Variants in COL21A1 observed in about 807,000 individuals in gnomAD.
COL21A1 encodes collagen alpha-1(XXI) chain.
Under a neutral mutation model 137.9 loss-of-function variants are expected in COL21A1, and 149 were observed. The observed-to-expected ratio is 1.08, with a 90% CI of 0.95 to 1.24. The LOEUF is 1.24. Ranked by LOEUF, COL21A1 falls within the 50% of genes most tolerant of loss-of-function variation. The probability of loss-of-function intolerance (pLI) is 0.00; values close to 1 mark genes in which losing one functional copy is unlikely to be tolerated. For missense variants in COL21A1, 1,167 were observed against 1,158.4 expected, an observed-to-expected ratio of 1.01 and a Z score of -0.11; for synonymous variants, 456 against 391.5, an observed-to-expected ratio of 1.16 and a Z score of -1.95.
intron 1 of COL21A1, among the ~76,000 whole-genome samples, chr6:56,336,104 A>T (rs548052711): frequency 6.6e-6 from 1 of 152,338 alleles, no homozygotes; most frequent in South Asian, 2.1e-4. Flanking sequence ...AAATTAACTC[A>T]CTGAAGACCC....
chr6:56,348,744 C>A lies in COL21A1; in HGVS notation c.-39+45227G>T, dbSNP rs532020045. Among the ~76,000 whole-genome samples, 187 of 152,320 alleles carry A rather than the reference C, an allele frequency of 1.2e-3. 2 individuals are homozygous for A. Among genetic ancestry groups the A allele is most frequent in the South Asian group, 0.011 (54 of 4,820 alleles). On this transcript the variant is annotated intron_variant, in intron 1 of 28. Transcript: ENST00000370819. ...AAGCTGGGGCCAGCCTCTCTCAGAA[C>A]ACTGGGATTAGATAACAGGGCAATT...
At chr6:56,088,987 T>C (rs953284436) in intron 17 of COL21A1, among the ~76,000 whole-genome samples, 2 of 152,126 alleles carry the variant, frequency 1.3e-5, no homozygotes, top group African/African-American at 4.8e-5. Context: ...GGTTTTGCGA[T>C]GCTACCCAGG....
chr6:56,293,196 C>T (rs767389999), intron 1 of COL21A1, among the ~76,000 whole-genome samples: 1 of 152,062 alleles, frequency 6.6e-6, no homozygotes, highest in Non-Finnish European at 1.5e-5. Context: ...TCAACTTTTA[C>T]GTGAAATAAA....
chr6:56,238,056 C>T (rs1782027759), intron 1 of COL21A1, among the ~76,000 whole-genome samples: 1 of 152,094 alleles, frequency 6.6e-6, no homozygotes, highest in Non-Finnish European at 1.5e-5. Flanking sequence ...TTGAGGAGAA[C>T]ATAGATCTGA....
chr6:56,352,283 A>G (rs1004460659), intron 1 of COL21A1, among the ~76,000 whole-genome samples: 4 of 152,188 alleles, frequency 2.6e-5, no homozygotes, highest in African/African-American at 9.7e-5. Context: ...AAGCCAGAAC[A>G]TAAGGGAGGC....
intron 1 of COL21A1, among the ~76,000 whole-genome samples, chr6:56,193,308 A>G (rs964938105): frequency 6.6e-6 from 1 of 152,330 alleles, no homozygotes; most frequent in Admixed American, 6.5e-5. Flanking sequence ...CTTAAAGTAT[A>G]ATAAAAAATA....
intron 1 of COL21A1, among the ~76,000 whole-genome samples, chr6:56,290,069 T>C (rs1764004857): frequency 6.6e-6 from 1 of 152,138 alleles, no homozygotes; most frequent in African/African-American, 2.4e-5. Flanking sequence ...TAAAACCCCA[T>C]GTCTCACTTG....
intron 1 of COL21A1, among the ~76,000 whole-genome samples, chr6:56,368,289 G>C (rs1340162768): frequency 6.6e-6 from 1 of 152,056 alleles, no homozygotes; most frequent in Non-Finnish European, 1.5e-5. Context: ...CATTTGTTGA[G>C]CTATAATTTT....
intron 5 of COL21A1, among the ~76,000 whole-genome samples, chr6:56,168,823 C>T (rs927788791): frequency 2.0e-5 from 3 of 151,982 alleles, no homozygotes; most frequent in Admixed American, 6.6e-5. Flanking sequence ...TTCACCCCCT[C>T]TTTGACTCAT....
At chr6:56,212,350 C>A (rs1780223459) in intron 1 of COL21A1, among the ~76,000 whole-genome samples, 1 of 151,910 alleles carries the variant, frequency 6.6e-6, no homozygotes, top group Non-Finnish European at 1.5e-5. Context: ...CAGCCCCCCA[C>A]CAAAAGAATA....
At chr6:56,226,234 C>CA (rs1304454488) in intron 1 of COL21A1, among the ~76,000 whole-genome samples, 45 of 151,550 alleles carry the variant, frequency 3.0e-4, no homozygotes, top group East Asian at 1.9e-4. Flanking sequence ...AGGTGTATAC[C>CA]AAAAAAAGTC....
chr6:56,061,266 G>A (rs1765779156), intron 25 of COL21A1: 1 of 530,658 alleles, frequency 1.9e-6, no homozygotes, highest in South Asian at 2.9e-5. Flanking sequence ...ATCCACAACT[G>A]ATTGAGTATA....
intron 1 of COL21A1, chr6:56,231,146 A>G (rs940054086): frequency 4.6e-5 from 7 of 152,060 alleles, no homozygotes; most frequent in African/African-American, 1.7e-4. Flanking sequence ...TGAGGAAGAA[A>G]CAATCAATGT....
chr6:56,293,480 G>A (rs924960676), intron 1 of COL21A1, among the ~76,000 whole-genome samples: 1 of 152,070 alleles, frequency 6.6e-6, no homozygotes, highest in Admixed American at 6.5e-5. Flanking sequence ...AACAAAAAAG[G>A]TGTAACTCAC....
intron 1 of COL21A1, among the ~76,000 whole-genome samples, chr6:56,223,036 T>C (rs919144882): frequency 3.2e-5 from 2 of 61,746 alleles, no homozygotes; most frequent in Admixed American, 2.7e-4. Context: ...CACATTCTAT[T>C]CAGAACAAAA....
At chr6:56,197,830 G>A (rs576582156) in intron 1 of COL21A1, among the ~76,000 whole-genome samples, 38 of 152,176 alleles carry the variant, frequency 2.5e-4, no homozygotes, top group African/African-American at 8.7e-4. Flanking sequence ...ACTACTATAT[G>A]AACCAGTAAT....
chr6:56,245,595 C>T (rs1782594952), intron 1 of COL21A1, among the ~76,000 whole-genome samples: 1 of 152,160 alleles, frequency 6.6e-6, no homozygotes, highest in Admixed American at 6.5e-5. Flanking sequence ...ACTTTAGAAG[C>T]ATTATTTAAC....
intron 17 of COL21A1, among the ~76,000 whole-genome samples, chr6:56,082,443 A>T (rs1767870890): frequency 6.6e-6 from 1 of 151,992 alleles, no homozygotes; most frequent in African/African-American, 2.4e-5. Context: ...ATGGGCTCTG[A>T]TCCTCTGAAA....
chr6:56,369,165 T>C (rs761693161), intron 1 of COL21A1, among the ~76,000 whole-genome samples: 1 of 152,096 alleles, frequency 6.6e-6, no homozygotes, highest in Non-Finnish European at 1.5e-5. Flanking sequence ...AACACTTAAG[T>C]AAAAGTGTTA....
Sources: allele counts gnomAD v4.1 joint callset (sites outside exome capture counted in the v4.1 genomes callset), GRCh38; gene constraint gnomAD v4.1.1; transcripts MANE v1.5; gene names NCBI Gene and HGNC (gene_info 2026-07-23, HGNC 2026-07-21).